The following LMNA variants were observed in gnomAD, a reference collection of about 807,000 sequenced individuals.
The protein encoded by LMNA is lamin.
Under a neutral mutation model 70.4 loss-of-function variants are expected in LMNA, and 20 were observed. The ratio of observed to expected loss-of-function variants is 0.28; its 90% CI spans 0.20 to 0.41. The LOEUF (loss-of-function observed/expected upper bound fraction) is 0.41, where lower values mean the gene tolerates loss of function less well. LMNA is among the 10% of genes least tolerant of loss of function. LMNA has a pLI of 1.00. For synonymous variants in LMNA, 339 were observed against 372.8 expected (o/e 0.91, Z 1.04); for missense variants, 652 against 917.2 (o/e 0.71, Z 3.73).
chr1:156,091,463 A>C (rs1648699589), intron 3 of LMNA, among the ~76,000 whole-genome samples: 1 of 152,034 alleles, frequency 6.6e-6, no homozygotes, highest in African/African-American at 2.4e-5. Context: ...TTAGCCGGGC[A>C]TGGTGGCGCA....
rs1651968196 is a variant in LMNA at position 156,139,927 on chromosome 1, G to A, written c.*821G>A. ...GGAGGGAGAGGGAGGTCACTGGAAA[G>A]GGGAGAGCCTGCTGGCACCCACCGT... is the stretch of plus-strand genomic sequence containing the variant. On this transcript the variant is annotated 3_prime_UTR_variant, in exon 12 of 12. Transcript: ENST00000368300. 8.1e-7 allele frequency: 1 copy of A among 1,240,942 alleles called. No individual in the cohort carries two copies. Among genetic ancestry groups the A allele is most frequent in the Non-Finnish European group, 1.1e-6 (1 of 928,700 alleles). 76.9% of individuals were successfully genotyped at this position (1,240,942 alleles called of 1,614,324 possible).
At chr1:156,086,424 CTT>C (rs1467368731) in intron 2 of LMNA, among the ~76,000 whole-genome samples, 2 of 149,376 alleles carry the variant, frequency 1.3e-5, no homozygotes, top group Non-Finnish European at 3.0e-5. Flanking sequence ...CTCTCTCTCT[CTT>C]TTGTCTTTCT....
intron 3 of LMNA, among the ~76,000 whole-genome samples, chr1:156,104,556 C>T (rs879014527): frequency 6.6e-6 from 1 of 152,086 alleles, no homozygotes; most frequent in Non-Finnish European, 1.5e-5. Flanking sequence ...TCTCCTTCAT[C>T]CCCACTCATC....
chr1:156,094,956 T>G (rs1648877395), intron 3 of LMNA, among the ~76,000 whole-genome samples: 1 of 150,554 alleles, frequency 6.6e-6, no homozygotes, highest in Admixed American at 6.6e-5. Flanking sequence ...GAACGGAGTC[T>G]TGCTCTGTCG....
chr1:156,134,414 C>T lies in LMNA; in HGVS notation c.525C>T (p.Ala175=). Residue 175 remains alanine, a synonymous_variant, in exon 3 of 12, where the codon GCC becomes GCT. Transcript: ENST00000368300. The surrounding 1 kb of genome is among the most constrained non-coding windows in gnomAD (Gnocchi z 5.3). Reference sequence around the variant, plus strand: ...CTGCTTCCTCACAGCTTGAGGCAGCCCTAGGTGAGGCCAAGAAGCAACTTC... The same window carrying T: ...CTGCTTCCTCACAGCTTGAGGCAGCTCTAGGTGAGGCCAAGAAGCAACTTC... ...LRGQVAKLEA[A]LGEAKKQLQD... 6.2e-7 allele frequency: 1 copy of T among 1,614,112 alleles called. No individual in the cohort carries two copies. Among genetic ancestry groups the T allele is most frequent in the South Asian group, 1.1e-5 (1 of 91,084 alleles).
At position 156,137,560 on chromosome 1, in the gene LMNA, C is replaced by T. The variant is rs964808532; in HGVS notation, c.1609-94C>T. On this transcript the variant is annotated intron_variant, in intron 9 of 11. Coordinates refer to ENST00000368300, the MANE Select transcript of LMNA (RefSeq NM_170707.4). This position sits in a 1 kb window ranked among gnomAD's most constrained non-coding sequence, Gnocchi z 4.6. Reference sequence around the variant, plus strand: ...AGCAGCAGGCCGGACAAAGGGCAGGCCACAAGAAAAGTTGCAGGTGGTCAC... The same window carrying T: ...AGCAGCAGGCCGGACAAAGGGCAGGTCACAAGAAAAGTTGCAGGTGGTCAC... 2 of 1,170,486 alleles carry T rather than the reference C, an allele frequency of 1.7e-6. No homozygotes were observed. The highest frequency in any genetic ancestry group is 3.0e-5 in the African/African-American group (2 of 65,872). 72.5% of individuals were successfully genotyped at this position (1,170,486 alleles called of 1,614,324 possible).
intron 3 of LMNA, among the ~76,000 whole-genome samples, chr1:156,102,167 G>T (rs1401252651): frequency 6.6e-6 from 1 of 152,346 alleles, no homozygotes; most frequent in Admixed American, 6.5e-5. Context: ...CAGCCCAAAG[G>T]GAGGAATGTG....
chr1:156,119,861 G>A (rs1650075035), intron 1 of LMNA, among the ~76,000 whole-genome samples: 1 of 152,170 alleles, frequency 6.6e-6, no homozygotes, highest in African/African-American at 2.4e-5. Context: ...GCATCCTGGA[G>A]TCCCTTGCCT....
chr1:156,114,341 G>C (rs933414099), upstream of LMNA, among the ~76,000 whole-genome samples: 2 of 152,134 alleles, frequency 1.3e-5, no homozygotes, highest in Admixed American at 6.5e-5. Context: ...CTGGCTCCCA[G>C]CCCTGCCTAC....
intron 2 of LMNA, among the ~76,000 whole-genome samples, chr1:156,132,695 T>C (rs1651173498): frequency 6.6e-6 from 1 of 152,046 alleles, no homozygotes; most frequent in Non-Finnish European, 1.5e-5. Context: ...GAACCAAGGC[T>C]GGGCCACCTT....
rs1162778466 is a variant in LMNA, at chr1:156,137,478, G to A, written c.1609-176G>A. ...ATACTCCTACCCGGAGAGCTTGACA[G>A]TGTCCCTCTGGGGTGGAAATGAGTT... On this transcript the variant is annotated intron_variant, in intron 9 of 11. Transcript: ENST00000368300. This position sits in a 1 kb window ranked among gnomAD's most constrained non-coding sequence, Gnocchi z 4.6. The A allele has an allele frequency of 2.6e-6, 2 of 782,778 alleles. No homozygotes were observed. Among genetic ancestry groups the A allele is most frequent in the Non-Finnish European group, 4.3e-6 (2 of 465,858 alleles). The allele number at this position is 782,778 out of a possible 1,614,324, so 48.5% of individuals were successfully genotyped here.
chr1:156,084,287 TA>T (rs1425033773), intron 2 of LMNA, among the ~76,000 whole-genome samples: 4 of 123,372 alleles, frequency 3.2e-5, no homozygotes, highest in Non-Finnish European at 6.7e-5. Flanking sequence ...ATTTGCACAC[TA>T]ATGGGAGTGC....
intron 1 of LMNA, among the ~76,000 whole-genome samples, chr1:156,117,743 A>T (rs539139910): frequency 1.9e-4 from 29 of 152,170 alleles, no homozygotes; most frequent in Admixed American, 1.8e-3. Context: ...TGTTGCCCAC[A>T]GTCTTGAACT....
At chr1:156,124,341 T>G (rs545069489) in intron 1 of LMNA, among the ~76,000 whole-genome samples, 4 of 152,042 alleles carry the variant, frequency 2.6e-5, no homozygotes, top group Admixed American at 6.5e-5. Flanking sequence ...CAGGCTAGAA[T>G]GCAGTGGCGC....
chr1:156,093,645 T>A (rs1314645190), intron 3 of LMNA: 1 of 152,230 alleles, frequency 6.6e-6, no homozygotes, highest in African/African-American at 2.4e-5. Flanking sequence ...TGGTCACTTC[T>A]GGATATCCCT....
chr1:156,134,546 C>T lies in LMNA; in HGVS notation c.639+18C>T, dbSNP rs2102879461. On this transcript the variant is annotated intron_variant, in intron 3 of 11. Transcript: ENST00000368300. This position sits in a 1 kb window ranked among gnomAD's most constrained non-coding sequence, Gnocchi z 5.3. ...ACAGTGAGGTGGGGACTGTGCTTTG[C>T]AAGCCAGAGGGCTGGGGCTGGGTGA... 6.2e-7 allele frequency: 1 copy of T among 1,613,512 alleles called. No homozygotes were observed. The highest frequency in any genetic ancestry group is 1.3e-5 in the African/African-American group (1 of 75,034).
At chr1:156,095,508 C>CTTTTTTTTTT (rs59065867) in intron 3 of LMNA, among the ~76,000 whole-genome samples, 2 of 144,378 alleles carry the variant, frequency 1.4e-5, no homozygotes, top group African/African-American at 2.5e-5. Context: ...CCAGCTAATG[C>CTTTTTTTTTT]TTTTTTTTTT....
chr1:156,087,327 T>C (rs1028709635), intron 2 of LMNA, among the ~76,000 whole-genome samples: 2 of 150,800 alleles, frequency 1.3e-5, no homozygotes, highest in African/African-American at 4.9e-5. Context: ...CACTGCAACC[T>C]CCGCCTCCCA....
In LMNA at chr1:156,136,585, G is replaced by A; in HGVS notation, c.1380+149G>A. On this transcript the variant is annotated intron_variant, in intron 7 of 11. Coordinates refer to ENST00000368300, the MANE Select transcript of LMNA (RefSeq NM_170707.4). This position sits in a 1 kb window ranked among gnomAD's most constrained non-coding sequence, Gnocchi z 6.1. ...ATATCTCCTCCACACTCTGGTTCCA[G>A]GCCTGGCTCCTGGACTCTTTGGCTG... 1.2e-6 allele frequency: 1 copy of A among 861,604 alleles called. No individual in the cohort carries two copies. The highest frequency in any genetic ancestry group is 1.9e-6 in the Non-Finnish European group (1 of 534,126). The allele number at this position is 861,604 out of a possible 1,614,324, so 53.4% of individuals were successfully genotyped here. A position where few individuals can be genotyped will look rare whatever the true frequency, so the allele number is the denominator to read the frequency against.
Sources: allele counts gnomAD v4.1 joint callset (sites outside exome capture counted in the v4.1 genomes callset), GRCh38; gene constraint gnomAD v4.1.1; non-coding constraint Gnocchi (gnomAD v3.1); transcripts MANE v1.5; gene names NCBI Gene and HGNC (gene_info 2026-07-23, HGNC 2026-07-21).